SNRPN: variants seen among roughly 807,000 people sequenced by gnomAD.
SNRPN encodes the protein small nuclear ribonucleoprotein-associated protein N.
Under a neutral mutation model 25.2 loss-of-function variants are expected in SNRPN, and 7 were observed. The ratio of observed to expected loss-of-function variants is 0.28; its 90% confidence interval spans 0.16 to 0.52. SNRPN has a LOEUF of 0.52. SNRPN is among the 20% of genes least tolerant of loss of function. The pLI is 0.96. For missense variants in SNRPN, 196 were observed against 322.5 expected (o/e 0.61, Z 3.00); for synonymous variants, 124 against 110.6 (o/e 1.12, Z -0.76).
chr15:24,899,082 A>T (rs781519051), intron 2 of SNRPN, among the ~76,000 whole-genome samples: 30 of 152,212 alleles, frequency 2.0e-4, no homozygotes, highest in Non-Finnish European at 3.4e-4. Flanking sequence ...TCCAAAGGCC[A>T]CAAGGGGTTT....
At chr15:24,937,504 CAG>C (rs973512477) in intron 3 of SNRPN, among the ~76,000 whole-genome samples, 4 of 152,046 alleles carry the variant, frequency 2.6e-5, no homozygotes, top group Non-Finnish European at 5.9e-5. Flanking sequence ...GCCTGGATGA[CAG>C]AGCAAGACTG....
intron 1 of SNRPN, among the ~76,000 whole-genome samples, chr15:24,956,440 C>T (rs2062912144): frequency 6.6e-6 from 1 of 151,854 alleles, no homozygotes; most frequent in African/African-American, 2.4e-5. Flanking sequence ...TTCGGAGTTT[C>T]AGCCGTACCC....
intron 3 of SNRPN, chr15:24,942,126 C>T (rs1474999250): frequency 6.6e-6 from 1 of 152,162 alleles, no homozygotes; most frequent in Non-Finnish European, 1.5e-5. Context: ...GCTATATCTA[C>T]TGATGGAAAT....
chr15:24,895,261 C>A (rs1037802430), intron 2 of SNRPN, among the ~76,000 whole-genome samples: 1 of 152,066 alleles, frequency 6.6e-6, no homozygotes, highest in African/African-American at 2.4e-5. Context: ...CCTCTTTCAG[C>A]GAAAGGTGAG....
At chr15:24,963,691 A>G (rs941975505) in intron 2 of SNRPN, among the ~76,000 whole-genome samples, 1 of 151,676 alleles carries the variant, frequency 6.6e-6, no homozygotes, top group African/African-American at 2.4e-5. Context: ...GTTTTTCCTC[A>G]TAGTAAAAAC....
chr15:24,977,152 C>A, intron 7 of SNRPN, 123 bp downstream of exon 7: 1 of 684,472 alleles, frequency 1.5e-6, no homozygotes, highest in Non-Finnish European at 2.2e-6. Flanking sequence ...TAGGAGGAAC[C>A]AAAACACAGA....
At chr15:24,864,253 C>T (rs1207353754) in intron 1 of SNRPN, among the ~76,000 whole-genome samples, 1 of 140,676 alleles carries the variant, frequency 7.1e-6, no homozygotes, top group Non-Finnish European at 1.5e-5. Flanking sequence ...TGGTCTCGAT[C>T]TCCTGACCTT....
intron 4 of SNRPN, 61 bp from the exon 5 acceptor site, chr15:24,975,297 A>G: frequency 2.2e-6 from 3 of 1,357,194 alleles, no homozygotes; most frequent in South Asian, 2.5e-5. Flanking sequence ...AAGAAACAGG[A>G]GAAGATTAGA....
At chr15:24,907,644 G>A (rs2058910084) in intron 2 of SNRPN, among the ~76,000 whole-genome samples, 1 of 151,790 alleles carries the variant, frequency 6.6e-6, no homozygotes, top group South Asian at 2.1e-4. Flanking sequence ...CAGTGAAATA[G>A]TATGTTGCCC....
At chr15:24,874,512 T>C (rs545581525) in intron 1 of SNRPN, among the ~76,000 whole-genome samples, 1 of 152,046 alleles carries the variant, frequency 6.6e-6, no homozygotes, top group African/African-American at 2.4e-5. Context: ...AATGAAAGAA[T>C]AGTGTAATCA....
chr15:24,894,344 A>G (rs542556137), intron 2 of SNRPN, among the ~76,000 whole-genome samples: 24 of 151,926 alleles, frequency 1.6e-4, no homozygotes, highest in Non-Finnish European at 2.6e-4. Flanking sequence ...TCAGCCTCCC[A>G]AGTAGCTGGG....
intron 3 of SNRPN, among the ~76,000 whole-genome samples, chr15:24,925,369 G>A (rs990776718): frequency 6.6e-6 from 1 of 151,958 alleles, no homozygotes; most frequent in African/African-American, 2.4e-5. Context: ...CAGCACTTTG[G>A]GAGGCTGAGA....
At chr15:24,974,566 A>G in intron 4 of SNRPN, 110 bp downstream of exon 4, 4 of 982,742 alleles carry the variant, frequency 4.1e-6, no homozygotes, top group Non-Finnish European at 1.7e-6. Context: ...ATAAGGATAC[A>G]TCCATGGATA....
At chr15:24,825,751 T>C (rs1395409880) in intron 1 of SNRPN, among the ~76,000 whole-genome samples, 2 of 152,068 alleles carry the variant, frequency 1.3e-5, no homozygotes, top group East Asian at 3.8e-4. Flanking sequence ...GTGTTAAATA[T>C]CTCATGTAAC....
At chr15:24,936,342 T>C (rs910032459) in intron 3 of SNRPN, among the ~76,000 whole-genome samples, 1 of 152,142 alleles carries the variant, frequency 6.6e-6, no homozygotes, top group African/African-American at 2.4e-5. Flanking sequence ...AGAAAGCCCA[T>C]GTTCCTGATA....
chr15:24,922,965 G>A (rs886681366), intron 3 of SNRPN, among the ~76,000 whole-genome samples: 3 of 135,296 alleles, frequency 2.2e-5, no homozygotes, highest in Non-Finnish European at 3.0e-5. Context: ...GAGTGCAGTG[G>A]CGCAATCTCA....
chr15:24,950,070 C>T (rs1218491129), upstream of SNRPN, among the ~76,000 whole-genome samples: 2 of 152,162 alleles, frequency 1.3e-5, no homozygotes, highest in East Asian at 1.9e-4. Context: ...AATCCTCTCG[C>T]CTTGGCTTCC....
At chr15:24,930,381 T>G (rs1332420351) in intron 3 of SNRPN, among the ~76,000 whole-genome samples, 2 of 151,698 alleles carry the variant, frequency 1.3e-5, no homozygotes, top group African/African-American at 4.8e-5. Context: ...TATTTTTTAT[T>G]TTGCCTATGT....
chr15:24,949,058 C>G (rs1302514134), intron 3 of SNRPN, among the ~76,000 whole-genome samples: 1 of 113,020 alleles, frequency 8.8e-6, no homozygotes, highest in African/African-American at 3.3e-5. Context: ...GTCTCACTCT[C>G]TCACCTAGGC....
Sources: allele counts gnomAD v4.1 joint callset (sites outside exome capture counted in the v4.1 genomes callset), GRCh38; gene constraint gnomAD v4.1.1; transcripts MANE v1.5; gene names NCBI Gene and HGNC (gene_info 2026-07-23, HGNC 2026-07-21).